NUBP1: variants seen among roughly 807,000 people sequenced by gnomAD.
The protein encoded by NUBP1 is NUBP iron-sulfur cluster assembly factor 1, cytosolic, also known as cytosolic Fe-S cluster assembly factor NUBP1.
Under a neutral mutation model 41.8 loss-of-function variants are expected in NUBP1, and 46 were observed. That is an observed-to-expected ratio of 1.10 (90% CI 0.87 to 1.41). The LOEUF (loss-of-function observed/expected upper bound fraction) is 1.41. Among genes scored for constraint, NUBP1 ranks in the 40% most tolerant of loss-of-function variants. The probability of loss-of-function intolerance (pLI) is 0.00; values close to 1 mark genes in which losing one functional copy is unlikely to be tolerated. For missense variants in NUBP1, 494 were observed against 414.0 expected (o/e 1.19, Z -1.68); for synonymous variants, 189 against 154.6 (o/e 1.22, Z -1.65).
At chr16:10,752,508 C>A in intron 3 of NUBP1, 102 bp from the exon 4 acceptor site, 4 of 862,404 alleles carry the variant, frequency 4.6e-6, no homozygotes, top group Non-Finnish European at 7.7e-6. Flanking sequence ...TTTCTGTCTT[C>A]TCCCCTGTCC....
rs748169137 is a variant in NUBP1 at position 10,757,234 on chromosome 16, G to C, written c.451+454G>C. ...GAGAACCCAGGAGGCGGAGGTTGCA[G>C]TGAGCCAAGATCATGCCACTGCACT... is the stretch of plus-strand genomic sequence containing the variant. On this transcript the variant is annotated intron_variant, in intron 6 of 10. Coordinates refer to ENST00000283027, the MANE Select transcript of NUBP1 (RefSeq NM_002484.4). This position sits in a 1 kb window ranked among gnomAD's most constrained non-coding sequence, Gnocchi z 4.1. Among the ~76,000 whole-genome samples, 12 of 152,162 alleles carry C rather than the reference G, an allele frequency of 7.9e-5. No individual in the cohort carries two copies. Among genetic ancestry groups the C allele is most frequent in the Non-Finnish European group, 1.6e-4 (11 of 68,036 alleles).
chr16:10,762,694 C>T lies in NUBP1; in HGVS notation c.820+835C>T, dbSNP rs554570816. Among the ~76,000 whole-genome samples the T allele has an allele frequency of 1.3e-4, 20 of 152,216 alleles. No homozygotes were observed. The South Asian group carries it at 2.1e-3, about 16-fold the overall frequency. On this transcript the variant is annotated intron_variant, in intron 9 of 10. Coordinates refer to ENST00000283027, the MANE Select transcript of NUBP1 (RefSeq NM_002484.4). ...AGGAGTGCCGGCTGCACCCATGCCT[C>T]GGAACTTCCACTCCATTTGTCAGGG... is the stretch of plus-strand genomic sequence containing the variant.
rs28757645 is a variant in NUBP1, at chr16:10,767,485, C to T, written c.821-464C>T. ...ATATGAGAGTGTGTGTATGTGTGTGCGCACACATGCAAGTGTGCACATTTA... is the reference window on the plus strand; with the variant it reads ...ATATGAGAGTGTGTGTATGTGTGTGTGCACACATGCAAGTGTGCACATTTA... On this transcript the variant is annotated intron_variant, in intron 9 of 10. Coordinates refer to ENST00000283027, the MANE Select transcript of NUBP1 (RefSeq NM_002484.4). The surrounding 1 kb of genome is among the most constrained non-coding windows in gnomAD (Gnocchi z 4.6). The T allele has an allele frequency of 0.082, 19,547 of 239,646 alleles. 2,733 individuals carry two copies. The highest frequency in any genetic ancestry group is 0.4 in the African/African-American group (16,064 of 39,962). The allele number at this position is 239,646 out of a possible 1,614,324, so 14.8% of individuals were successfully genotyped here.
chr16:10,747,281 G>C lies in NUBP1; in HGVS notation c.258+5G>C, dbSNP rs1384706031. 1 of 1,612,990 alleles carries C rather than the reference G, an allele frequency of 6.2e-7. No homozygotes were observed. The highest frequency in any genetic ancestry group is 8.5e-7 in the Non-Finnish European group (1 of 1,179,930). On this transcript the variant is annotated splice_donor_5th_base_variant and intron_variant, in intron 3 of 10. Transcript: ENST00000283027. ...GCAGAGGATGAAAACACACAGGTGA[G>C]ACCTCAGGAACCACTGGGAGATGCT...
chr16:10,769,214 C>A lies in NUBP1; in HGVS notation c.*109C>A. On this transcript the variant is annotated 3_prime_UTR_variant, in exon 11 of 11. Transcript: ENST00000283027. ...GATGGGGTGGGTCACAGCAAAAGGA[C>A]CAGATGCTGGTGTGGTCCGAAGCCA... 1 of 921,780 alleles carries A rather than the reference C, an allele frequency of 1.1e-6. No individual in the cohort carries two copies. Among genetic ancestry groups the A allele is most frequent in the South Asian group, 1.4e-5 (1 of 69,774 alleles). 57.1% of individuals were successfully genotyped at this position (921,780 alleles called of 1,614,324 possible).
In NUBP1 at chr16:10,768,262, A is replaced by G; in HGVS notation, c.904+230A>G. On this transcript the variant is annotated intron_variant, in intron 10 of 10. Coordinates refer to ENST00000283027, the MANE Select transcript of NUBP1 (RefSeq NM_002484.4). The surrounding 1 kb of genome is among the most constrained non-coding windows in gnomAD (Gnocchi z 4.3). ...GGGTGAAATTTATGGCTTAGGAAAT[A>G]CATCCCAATAAAGGGATAAAGTAAT... The G allele has an allele frequency of 2.5e-6, 1 of 399,730 alleles. No homozygotes were observed. The highest frequency in any genetic ancestry group is 4.5e-5 in the South Asian group (1 of 22,022). The allele number at this position is 399,730 out of a possible 1,614,324, so 24.8% of individuals were successfully genotyped here. A position where few individuals can be genotyped will look rare whatever the true frequency, so the allele number is the denominator to read the frequency against.
intron 3 of NUBP1, 118 bp downstream of exon 3, chr16:10,747,394 GA>G: frequency 7.2e-7 from 1 of 1,383,760 alleles, no homozygotes; most frequent in Non-Finnish European, 9.8e-7. Flanking sequence ...AGCACTTTGG[GA>G]GGCCAAGGCG....
chr16:10,763,213 G>T (rs1014290895), intron 9 of NUBP1, among the ~76,000 whole-genome samples: 1 of 152,114 alleles, frequency 6.6e-6, no homozygotes, highest in African/African-American at 2.4e-5. Context: ...AGGTTCTGGG[G>T]TCCGTCAGGA....
At chr16:10,761,978 G>C (rs980140307) in intron 9 of NUBP1, 119 bp downstream of exon 9, 1 of 743,422 alleles carries the variant, frequency 1.3e-6, no homozygotes, top group Admixed American at 2.7e-5. Flanking sequence ...TCAATGGGGC[G>C]CTGGAGCCAG....
intron 9 of NUBP1, among the ~76,000 whole-genome samples, chr16:10,764,454 A>T (rs1018344008): frequency 6.8e-6 from 1 of 147,878 alleles, no homozygotes; most frequent in African/African-American, 2.5e-5. Context: ...AGTGTGTTGG[A>T]GCATCTCAGT....
At chr16:10,751,896 G>A (rs1243152593) in intron 3 of NUBP1, among the ~76,000 whole-genome samples, 3 of 152,164 alleles carry the variant, frequency 2.0e-5, no homozygotes, top group Non-Finnish European at 4.4e-5. Flanking sequence ...AGTTGGGGCC[G>A]AAAGACCTCA....
At chr16:10,752,462 C>T (rs1490749901) in intron 3 of NUBP1, 148 bp from the exon 4 acceptor site, 4 of 652,216 alleles carry the variant, frequency 6.1e-6, no homozygotes, top group Non-Finnish European at 1.1e-5. Context: ...TAGGACTCTC[C>T]CTCAGGAGAA....
chr16:10,760,052 T>C (rs1172569991), intron 7 of NUBP1, among the ~76,000 whole-genome samples: 1 of 152,246 alleles, frequency 6.6e-6, no homozygotes, highest in Non-Finnish European at 1.5e-5. Context: ...CTGAGCGGTG[T>C]TTATACACAG....
Position 10,768,055 on chromosome 16 carries a change from AATGCAG to A in NUBP1, c.904+28_904+33del. ...AGAGTAAGTATTTCCATGAGTACTA[AATGCAG>A]ATGCCTGTGGGGCAGGAAGCAACAT... is the stretch of plus-strand genomic sequence containing the variant. On this transcript the variant is annotated intron_variant, in intron 10 of 10. Coordinates refer to ENST00000283027, the MANE Select transcript of NUBP1 (RefSeq NM_002484.4). This position sits in a 1 kb window ranked among gnomAD's most constrained non-coding sequence, Gnocchi z 4.3. 6.2e-7 allele frequency: 1 copy of A among 1,607,428 alleles called. No homozygotes were observed. Among genetic ancestry groups the A allele is most frequent in the Non-Finnish European group, 8.5e-7 (1 of 1,174,140 alleles).
intron 5 of NUBP1, 98 bp downstream of exon 5, chr16:10,755,851 A>T (rs1381500616): frequency 1.2e-5 from 14 of 1,133,290 alleles, no homozygotes; most frequent in Non-Finnish European, 1.7e-5. Context: ...TTATTAGGGT[A>T]CTTTTCGAGG....
rs970425281 is a variant in NUBP1 at position 10,768,997 on chromosome 16, A to G, written c.905-50A>G. The G allele has an allele frequency of 3.2e-6, 5 of 1,541,444 alleles. No homozygotes were observed. Among genetic ancestry groups the G allele is most frequent in the Non-Finnish European group, 4.5e-6 (5 of 1,113,832 alleles). ...CTCCCCAGCACAGGACAGGGCTGTC[A>G]AGGGGTAGACAAGCCATTAGCACTC... On this transcript the variant is annotated intron_variant, in intron 10 of 10. Transcript: ENST00000283027. The surrounding 1 kb of genome is among the most constrained non-coding windows in gnomAD (Gnocchi z 4.3).
intron 4 of NUBP1, 97 bp from the exon 5 acceptor site, chr16:10,755,624 A>G: frequency 7.8e-7 from 1 of 1,287,940 alleles, no homozygotes. Flanking sequence ...TATATTTTAA[A>G]AAACCATCGT....
chr16:10,751,707 G>A lies in NUBP1; in HGVS notation c.259-903G>A, dbSNP rs142440689. ...AATGGGGTCGCCTGAAGCTGCACCTGAGTCACAACTAAAGAGCTTTTCCAG... is the reference window on the plus strand; with the variant it reads ...AATGGGGTCGCCTGAAGCTGCACCTAAGTCACAACTAAAGAGCTTTTCCAG... On this transcript the variant is annotated intron_variant, in intron 3 of 10. Coordinates refer to ENST00000283027, the MANE Select transcript of NUBP1 (RefSeq NM_002484.4). 3.3e-5 allele frequency among the ~76,000 whole-genome samples: 5 copies of A among 152,286 alleles called. No individual in the cohort carries two copies. The East Asian group carries it at 7.7e-4, about 24-fold the overall frequency.
In NUBP1 at chr16:10,749,120, G is replaced by GACACACACACACACACACACACAC. The variant is rs777149995; in HGVS notation, c.258+1849_258+1850insCACACACACACACACACACACACA. Among the ~76,000 whole-genome samples, 8 of 92,342 alleles carry GACACACACACACACACACACACAC rather than the reference G, an allele frequency of 8.7e-5. No homozygotes were observed. The highest frequency in any genetic ancestry group is 3.1e-4 in the African/African-American group (8 of 25,744). 60.6% of individuals were successfully genotyped at this position (92,342 alleles called of 152,430 possible). A position where few individuals can be genotyped will look rare whatever the true frequency, so the allele number is the denominator to read the frequency against. On this transcript the variant is annotated intron_variant, in intron 3 of 10. Coordinates refer to ENST00000283027, the MANE Select transcript of NUBP1 (RefSeq NM_002484.4). This position sits in a 1 kb window ranked among gnomAD's most constrained non-coding sequence, Gnocchi z 4.1. The stretch of plus-strand genomic sequence containing the variant: ...AAAAAAGGATATAGATAGATACACA[G>GACACACACACACACACACACACAC]ACACATACACACACACACACACACA...
Sources: allele counts gnomAD v4.1 joint callset (sites outside exome capture counted in the v4.1 genomes callset), GRCh38; gene constraint gnomAD v4.1.1; non-coding constraint Gnocchi (gnomAD v3.1); transcripts MANE v1.5; gene names NCBI Gene and HGNC (gene_info 2026-07-23, HGNC 2026-07-21).